CAP2: variants seen among roughly 807,000 people sequenced by gnomAD.
The protein encoded by CAP2 is cyclase associated actin cytoskeleton regulatory protein 2, also known as adenylyl cyclase-associated protein 2.
CAP2 carries 24 observed loss-of-function variants against 57.7 expected under a neutral mutation model. The ratio of observed to expected loss-of-function variants is 0.42; its 90% CI spans 0.30 to 0.58. The LOEUF (loss-of-function observed/expected upper bound fraction) is 0.58. Ranked by LOEUF, CAP2 falls within the 20% of genes least tolerant of loss-of-function variation. CAP2 has a pLI of 0.22. For synonymous variants in CAP2, 194 were observed against 207.2 expected, an observed-to-expected ratio of 0.94 and a Z score of 0.55; for missense variants, 501 against 590.3, an observed-to-expected ratio of 0.85 and a Z score of 1.57.
At chr6:17,533,356 ATTAAC>A (rs1428417687) in intron 7 of CAP2, among the ~76,000 whole-genome samples, 2 of 152,080 alleles carry the variant, frequency 1.3e-5, no homozygotes, top group African/African-American at 4.8e-5. Flanking sequence ...GACAGCTGAA[ATTAAC>A]TTAGAGTAAG....
At chr6:17,407,474 G>A (rs545349578) in intron 1 of CAP2, among the ~76,000 whole-genome samples, 1 of 146,830 alleles carries the variant, frequency 6.8e-6, no homozygotes, top group African/African-American at 2.5e-5. Flanking sequence ...GTGAGAACCT[G>A]TCTTGAAAAA....
At chr6:17,526,529 C>G (rs1281904416) in intron 7 of CAP2, among the ~76,000 whole-genome samples, 1 of 152,202 alleles carries the variant, frequency 6.6e-6, no homozygotes, top group African/African-American at 2.4e-5. Flanking sequence ...TTGTCACCCA[C>G]TGCCTTTCAT....
rs559260083 is a variant in CAP2 at position 17,532,922 on chromosome 6, G to T, written c.637-6347G>T. ...CTACTAAAAATACAAAAAATTAGCT[G>T]GGCGTGGTGGTGCACTCCTGTAATC... is the stretch of plus-strand genomic sequence containing the variant. On this transcript the variant is annotated intron_variant, in intron 7 of 12. Coordinates refer to ENST00000229922, the MANE Select transcript of CAP2 (RefSeq NM_006366.3). Among the ~76,000 whole-genome samples the T allele has an allele frequency of 5.4e-3, 808 of 149,508 alleles. 7 individuals carry two copies. Among genetic ancestry groups the T allele is most frequent in the African/African-American group, 0.019 (753 of 40,594 alleles).
intron 1 of CAP2, among the ~76,000 whole-genome samples, chr6:17,394,101 C>A (rs1246517230): frequency 6.7e-6 from 1 of 149,404 alleles, no homozygotes; most frequent in Non-Finnish European, 1.5e-5. Context: ...ACCCCAGCGC[C>A]GCCGCCCGCC....
chr6:17,552,255 G>A (rs1384383593), intron 12 of CAP2, among the ~76,000 whole-genome samples: 2 of 152,116 alleles, frequency 1.3e-5, no homozygotes, highest in Non-Finnish European at 2.9e-5. Context: ...AACCATACAC[G>A]TATTCTCACA....
chr6:17,508,208 TA>T (rs1762041034), intron 6 of CAP2, among the ~76,000 whole-genome samples: 1 of 152,178 alleles, frequency 6.6e-6, no homozygotes, highest in Non-Finnish European at 1.5e-5. Flanking sequence ...AACTGGGGTG[TA>T]CGCAGAGACA....
At chr6:17,527,840 C>T (rs908588754) in intron 7 of CAP2, among the ~76,000 whole-genome samples, 1 of 152,074 alleles carries the variant, frequency 6.6e-6, no homozygotes, top group African/African-American at 2.4e-5. Flanking sequence ...TGACCTCAAG[C>T]GATCCACCTG....
intron 1 of CAP2, among the ~76,000 whole-genome samples, chr6:17,405,299 G>A (rs6940781): frequency 0.26 from 39,125 of 151,880 alleles, 5,155 homozygotes; most frequent in South Asian, 0.35. Context: ...GGAGAATCGT[G>A]TGAACCCAGG....
chr6:17,540,447 TAAA>T (rs372796164), intron 8 of CAP2, among the ~76,000 whole-genome samples: 2 of 134,708 alleles, frequency 1.5e-5, no homozygotes, highest in African/African-American at 2.7e-5. Context: ...TTCCTCAAAT[TAAA>T]AAAAAAAAAA....
At position 17,504,321 on chromosome 6, in the gene CAP2, G is replaced by C. The variant is rs185822913; in HGVS notation, c.301-2848G>C. 2.0e-5 allele frequency among the ~76,000 whole-genome samples: 3 copies of C among 152,308 alleles called. No homozygotes were observed. The East Asian group carries it at 5.8e-4, about 29-fold the overall frequency. On this transcript the variant is annotated intron_variant, in intron 4 of 12. Coordinates refer to ENST00000229922, the MANE Select transcript of CAP2 (RefSeq NM_006366.3). ...ACCCTAGCTTGCAGATGGGACAAGG[G>C]AATCTTGGACAAGTGTGGTAATTGG...
intron 7 of CAP2, among the ~76,000 whole-genome samples, chr6:17,525,178 C>T (rs768282725): frequency 3.1e-4 from 47 of 152,146 alleles, no homozygotes; most frequent in Non-Finnish European, 6.2e-4. Context: ...GCTGGGATTA[C>T]AGGCATGAGC....
At chr6:17,456,120 C>T (rs1561790243) in intron 3 of CAP2, among the ~76,000 whole-genome samples, 3 of 152,192 alleles carry the variant, frequency 2.0e-5, no homozygotes, top group African/African-American at 4.8e-5. Context: ...AAGCATCAGC[C>T]TCACCTGAGA....
intron 1 of CAP2, among the ~76,000 whole-genome samples, chr6:17,399,328 G>T (rs1758750727): frequency 6.6e-6 from 1 of 152,200 alleles, no homozygotes; most frequent in Non-Finnish European, 1.5e-5. Context: ...CTCCCAAAGT[G>T]CTGGGATTAT....
chr6:17,462,955 G>C lies in CAP2; in HGVS notation c.223-41G>C, dbSNP rs80207475. ...CAGATTATATGGTAACAATTTTTAG[G>C]AGTCAAACATTGAAACTGCCATCTT... On this transcript the variant is annotated intron_variant, in intron 3 of 12. Transcript: ENST00000229922. 7.0e-3 allele frequency: 10,452 copies of C among 1,488,336 alleles called. 45 individuals carry two copies. The highest frequency in any genetic ancestry group is 9.2e-3 in the Middle Eastern group (54 of 5,844). 92.2% of individuals were successfully genotyped at this position (1,488,336 alleles called of 1,614,324 possible).
chr6:17,466,327 A>G (rs143929831), intron 4 of CAP2, among the ~76,000 whole-genome samples: 265 of 152,264 alleles, frequency 1.7e-3, no homozygotes, highest in Middle Eastern at 0.017. Flanking sequence ...GGGTTGTCAG[A>G]ACTCAGACTG....
rs527713527 is a variant in CAP2, at chr6:17,513,520, C to T, written c.531-329C>T. On this transcript the variant is annotated intron_variant, in intron 6 of 12. Transcript: ENST00000229922. This position sits in a 1 kb window ranked among gnomAD's most constrained non-coding sequence, Gnocchi z 4.3. ...GCAGAAAGAAACAGTCTCCCCTCCACGCCCCCGTCACGTGAGGGCTGACTG... is the reference window on the plus strand; with the variant it reads ...GCAGAAAGAAACAGTCTCCCCTCCATGCCCCCGTCACGTGAGGGCTGACTG... 1.4e-4 allele frequency among the ~76,000 whole-genome samples: 21 copies of T among 152,196 alleles called. 1 individual carries two copies. The highest frequency in any genetic ancestry group is 3.4e-3 in the Middle Eastern group (1 of 294).
At chr6:17,474,309 C>T (rs1474301076) in intron 4 of CAP2, among the ~76,000 whole-genome samples, 1 of 147,392 alleles carries the variant, frequency 6.8e-6, no homozygotes, top group Non-Finnish European at 1.5e-5. Flanking sequence ...ATTTTTTTCC[C>T]ATAACTAAAC....
intron 3 of CAP2, among the ~76,000 whole-genome samples, chr6:17,434,939 A>G (rs1022908272): frequency 3.4e-5 from 5 of 146,046 alleles, no homozygotes; most frequent in Admixed American, 2.8e-4. Context: ...AATGCTCATC[A>G]TCACTGGCCA....
intron 3 of CAP2, among the ~76,000 whole-genome samples, chr6:17,453,945 C>T (rs1363923670): frequency 2.8e-5 from 4 of 141,906 alleles, no homozygotes; most frequent in Admixed American, 1.5e-4. Flanking sequence ...ATTGCCATGG[C>T]GTGATCACGG....
Sources: gnomAD v4.1 joint callset for allele counts (sites outside exome capture counted in the v4.1 genomes callset) on GRCh38, gnomAD v4.1.1 for gene constraint, Gnocchi (gnomAD v3.1) non-coding constraint, MANE v1.5 for transcripts, NCBI Gene and HGNC (gene_info 2026-07-23, HGNC 2026-07-21) for gene names.